Variants in STK11IP observed in about 807,000 individuals in gnomAD.
STK11IP encodes serine/threonine kinase 11 interacting protein, also known as serine/threonine-protein kinase 11-interacting protein.
Under a neutral mutation model 131.7 loss-of-function variants are expected in STK11IP, and 103 were observed. The observed-to-expected ratio is 0.78, with a 90% CI of 0.67 to 0.92. The LOEUF is 0.92. Among genes scored for constraint, STK11IP ranks in the 40% least tolerant of loss-of-function variants. The pLI, the probability that STK11IP is intolerant of heterozygous loss-of-function variation, is 0.00. For missense variants in STK11IP, 1,315 were observed against 1,385.7 expected, an observed-to-expected ratio of 0.95 and a Z score of 0.81; for synonymous variants, 557 against 575.6, an observed-to-expected ratio of 0.97 and a Z score of 0.46.
chr2:219,607,235 T>G (rs1698222252), intron 13 of STK11IP, 98 bp downstream of exon 13: 1 of 1,269,560 alleles, frequency 7.9e-7, no homozygotes, highest in Non-Finnish European at 1.1e-6. Context: ...TGTTATTTTT[T>G]GTTGGGGTAG....
intron 2 of STK11IP, among the ~76,000 whole-genome samples, chr2:219,600,592 G>GAAT (rs1277639576): frequency 6.6e-6 from 1 of 152,174 alleles, no homozygotes; most frequent in Non-Finnish European, 1.5e-5. Context: ...GTGCAGTGAT[G>GAAT]AATACCAGAG....
rs1041869249 is a variant in STK11IP at position 219,602,847 on chromosome 2, G to A, written c.618+71G>A. 7 of 1,471,256 alleles carry A rather than the reference G, an allele frequency of 4.8e-6. No individual in the cohort carries two copies. The Admixed American group carries it at 1.3e-4, about 27-fold the overall frequency. 91.1% of individuals were successfully genotyped at this position (1,471,256 alleles called of 1,614,324 possible). A position where few individuals can be genotyped will look rare whatever the true frequency, so the allele number is the denominator to read the frequency against. Reference sequence around the variant, plus strand: ...TGCTCTGCTCTCACTCTCTCTCCTTGACCAGCTTTTACTCCCACCTTGCTC... The same window carrying A: ...TGCTCTGCTCTCACTCTCTCTCCTTAACCAGCTTTTACTCCCACCTTGCTC... On this transcript the variant is annotated intron_variant, in intron 7 of 24. Transcript: ENST00000456909.
chr2:219,599,000 C>T (rs1449418268), intron 2 of STK11IP, among the ~76,000 whole-genome samples: 1 of 152,224 alleles, frequency 6.6e-6, no homozygotes, highest in African/African-American at 2.4e-5. Flanking sequence ...TCATCTGGTA[C>T]ATACTACAGT....
intron 5 of STK11IP, 146 bp from the exon 6 acceptor site, chr2:219,602,322 T>TG (rs1698013880): frequency 3.0e-6 from 2 of 676,492 alleles, no homozygotes; most frequent in South Asian, 3.7e-5. Flanking sequence ...AGTGAGTTCT[T>TG]GGGTCAGGGA....
At chr2:219,615,746 C>G (rs771716611) in intron 24 of STK11IP, 7 of 659,876 alleles carry the variant, frequency 1.1e-5, no homozygotes, top group Admixed American at 4.2e-5. Flanking sequence ...CCAGTTTGCC[C>G]AGTCCAAAGT....
At chr2:219,613,962 G>T (rs370208810) in intron 21 of STK11IP, 32 bp downstream of exon 21, 74 of 1,496,402 alleles carry the variant, frequency 4.9e-5, no homozygotes, top group Non-Finnish European at 6.2e-5. Context: ...CAGGAGGGTG[G>T]GCAGGAGGGT....
At chr2:219,601,493 G>A (rs1360792019) in intron 3 of STK11IP, 53 bp downstream of exon 3, 2 of 1,594,546 alleles carry the variant, frequency 1.3e-6, no homozygotes, top group Non-Finnish European at 8.6e-7. Flanking sequence ...GAGAATGATG[G>A]AAGTTGGGGA....
chr2:219,615,130 C>A lies in STK11IP; in HGVS notation c.2906C>A (p.Pro969Gln). Reference sequence around the variant, plus strand: ...TGCCTCGTATCCCTGTTGCTGACTCCGTCCACCCTGTTCCTGTTAGATGAG... The same window carrying A: ...TGCCTCGTATCCCTGTTGCTGACTCAGTCCACCCTGTTCCTGTTAGATGAG... ...STCLVSLLLTPSTLFLLDEDA... is the reference protein window; with the variant it reads ...STCLVSLLLTQSTLFLLDEDA... Residue 969 changes from proline to glutamine, a missense_variant, in exon 24 of 25, where the codon CCG (proline) becomes CAG (glutamine). Transcript: ENST00000456909. 1 of 1,609,244 alleles carries A rather than the reference C, an allele frequency of 6.2e-7. No individual in the cohort carries two copies. The highest frequency in any genetic ancestry group is 8.5e-7 in the Non-Finnish European group (1 of 1,179,046).
chr2:219,609,313 C>A, intron 16 of STK11IP, 50 bp from the exon 17 acceptor site: 1 of 1,597,060 alleles, frequency 6.3e-7, no homozygotes, highest in South Asian at 1.1e-5. Context: ...TGGGAGGTGT[C>A]CGTCTGGGGT....
At position 219,606,020 on chromosome 2, in the gene STK11IP, G is replaced by GGA. The variant is rs1276013473; in HGVS notation, c.812_813dup (p.Leu272SerfsTer55). ...CATACAACCTGCTGGAAGGACACCG[G>GGA]GAGCTGTCACCACTGTGGCTGCTGG... On this transcript the variant is annotated frameshift_variant, in exon 9 of 25. Coordinates refer to ENST00000456909, the MANE Select transcript of STK11IP (RefSeq NM_052902.4). LOFTEE classifies it high-confidence loss of function. 2 of 1,608,860 alleles carry GGA rather than the reference G, an allele frequency of 1.2e-6. No homozygotes were observed. Among genetic ancestry groups the GGA allele is most frequent in the Non-Finnish European group, 8.5e-7 (1 of 1,177,738 alleles).
chr2:219,612,023 A>G lies in STK11IP; in HGVS notation c.2404A>G (p.Ser802Gly), dbSNP rs369762223. 12 of 1,605,066 alleles carry G rather than the reference A, an allele frequency of 7.5e-6. No individual in the cohort carries two copies. The African/African-American group carries it at 1.3e-4, about 18-fold the overall frequency. Residue 802 changes from serine (S) to glycine (G), a missense_variant, in exon 19 of 25, where the codon AGC becomes GGC. Transcript: ENST00000456909. ...GCTCTTCCTGGATGTTGAGGTGTTC[A>G]GCGATGCCCAGGAGGAGTTCCAGTG... The part of the protein sequence containing the change: ...LRLFLDVEVF[S>G]DAQEEFQCCL...
Position 219,606,519 on chromosome 2 carries a change from T to C in STK11IP, c.987+2T>C, listed in dbSNP as rs1173719714. The C allele has an allele frequency of 6.2e-7, 1 of 1,612,578 alleles. No individual in the cohort carries two copies. The highest frequency in any genetic ancestry group is 8.5e-7 in the Non-Finnish European group (1 of 1,179,302). Reference sequence around the variant, plus strand: ...GTCTTGTCACTGACAGATTTTCAGGTCGGTGTGGTTGGGGGGCGAGGACTG... The same window carrying C: ...GTCTTGTCACTGACAGATTTTCAGGCCGGTGTGGTTGGGGGGCGAGGACTG... On this transcript the variant is annotated splice_donor_variant, in intron 11 of 24. Transcript: ENST00000456909. LOFTEE classifies it high-confidence loss of function.
At position 219,611,810 on chromosome 2, in the gene STK11IP, C is replaced by T. The variant is rs1264630535; in HGVS notation, c.2311C>T (p.His771Tyr). The change falls in exon 18 of 25, where the codon CAT (histidine) becomes TAT (tyrosine). Residue 771 changes from histidine (H) to tyrosine (Y), a missense_variant. Coordinates refer to ENST00000456909, the MANE Select transcript of STK11IP (RefSeq NM_052902.4). The stretch of plus-strand genomic sequence containing the variant: ...ACCTCAGGCACCGAGCACCCGTGAC[C>T]ATGGTAGTTGGAGCCTCAGTCCCCG... The part of the protein sequence containing the change: ...SPPQAPSTRD[H>Y]GSWSLSPPPE... The T allele has an allele frequency of 6.2e-7, 1 of 1,612,808 alleles. No individual in the cohort carries two copies. The highest frequency in any genetic ancestry group is 1.7e-5 in the Admixed American group (1 of 59,954).
chr2:219,611,920 C>T, intron 18 of STK11IP, 35 bp from the exon 19 acceptor site: 1 of 1,574,604 alleles, frequency 6.4e-7, no homozygotes, highest in Non-Finnish European at 8.6e-7. Flanking sequence ...CCAGGGGCTG[C>T]CATGGGCAGG....
At chr2:219,615,933 G>A in intron 24 of STK11IP, 111 bp from the exon 25 acceptor site, 2 of 1,372,266 alleles carry the variant, frequency 1.5e-6, no homozygotes, top group Non-Finnish European at 2.0e-6. Context: ...TGGGGAAGGG[G>A]AGAGGCACTG....
In STK11IP at chr2:219,605,952, C is replaced by A; in HGVS notation, c.746-4C>A. On this transcript the variant is annotated splice_polypyrimidine_tract_variant and splice_region_variant and intron_variant, in intron 8 of 24. Transcript: ENST00000456909. ...CTCTTCCTTCCTTCTTGCGTCCACC[C>A]CAGGCCTAGAGCAGCTGAGGAATCT... 6.3e-7 allele frequency: 1 copy of A among 1,597,846 alleles called. No individual in the cohort carries two copies. The highest frequency in any genetic ancestry group is 2.3e-5 in the East Asian group (1 of 44,246).
intron 7 of STK11IP, 26 bp from the exon 8 acceptor site, chr2:219,605,582 C>CT: frequency 6.4e-7 from 1 of 1,551,134 alleles, no homozygotes; most frequent in Non-Finnish European, 8.7e-7. Flanking sequence ...ACGAGATAAT[C>CT]TTTTTCTCCC....
chr2:219,606,918 G>A, intron 12 of STK11IP, 60 bp downstream of exon 12: 1 of 1,586,530 alleles, frequency 6.3e-7, no homozygotes, highest in Non-Finnish European at 8.6e-7. Context: ...GGGACTCTGG[G>A]CTACAGTGGG....
chr2:219,602,876 C>T, intron 7 of STK11IP, 100 bp downstream of exon 7: 1 of 1,193,678 alleles, frequency 8.4e-7, no homozygotes, highest in Non-Finnish European at 1.2e-6. Flanking sequence ...CTTGCTCTTG[C>T]CATGAGGGTG....
Sources: allele counts gnomAD v4.1 joint callset (sites outside exome capture counted in the v4.1 genomes callset), GRCh38; gene constraint gnomAD v4.1.1; transcripts MANE v1.5; gene names NCBI Gene and HGNC (gene_info 2026-07-23, HGNC 2026-07-21).